The following FAM169A variants were observed in gnomAD, a reference collection of about 807,000 sequenced individuals.
The protein encoded by FAM169A is soluble lamin-associated protein of 75 kDa.
In FAM169A, 24 loss-of-function variants were observed where a neutral mutation model predicts 75.7. That is an observed-to-expected ratio of 0.32 (90% confidence interval 0.23 to 0.45). FAM169A has a LOEUF of 0.45. FAM169A is among the 20% of genes least tolerant of loss of function. The probability of loss-of-function intolerance (pLI) is 1.00; values close to 1 mark genes in which losing one functional copy is unlikely to be tolerated. For synonymous variants in FAM169A, 271 were observed against 271.0 expected (o/e 1.00, Z 0.00); for missense variants, 673 against 784.0 (o/e 0.86, Z 1.69).
rs1289172332 is a variant in FAM169A at position 74,778,967 on chromosome 5, T to C, written c.*2493A>G. 1.3e-5 allele frequency: 2 copies of C among 152,134 alleles called. No individual in the cohort carries two copies. Among genetic ancestry groups the C allele is most frequent in the East Asian group, 1.9e-4 (1 of 5,196 alleles). 9.4% of individuals were successfully genotyped at this position (152,134 alleles called of 1,614,324 possible). On this transcript the variant is annotated 3_prime_UTR_variant, in exon 13 of 13. Coordinates refer to ENST00000687041, the MANE Select transcript of FAM169A (RefSeq NM_001376049.1). ...GTTCCTTATTGAAGATAAATTGTGG[T>C]ATAAATTCTATACTCAAGTTACTGA...
At chr5:74,799,900 T>A in intron 10 of FAM169A, 1 of 945,094 alleles carries the variant, frequency 1.1e-6, no homozygotes. Context: ...ATGGAATGCT[T>A]CTGCAACACG....
chr5:74,835,032 T>C (rs1561315157), intron 4 of FAM169A, among the ~76,000 whole-genome samples: 1 of 150,378 alleles, frequency 6.6e-6, no homozygotes, highest in Non-Finnish European at 1.5e-5. Flanking sequence ...CTTAGTGTTA[T>C]CCCCTGAACA....
Position 74,781,617 on chromosome 5 carries a change from G to T in FAM169A, c.1856C>A (p.Ser619Tyr). ...TTGTGTAAACTGATCCAGTTGCTCG[G>T]AAGATGCTTCAGACTGCTCCTCTGA... ...NQSEEQSEAS[S>Y]EQLDQFTQSA... The change falls in exon 13 of 13, where the codon TCC becomes TAC. Residue 619 changes from serine to tyrosine, a missense_variant. Ser to Tyr is a moderately radical substitution (Grantham distance 144). Around this residue, in one of 3 missense-constraint regions of FAM169A, gnomAD observed 510 missense variants for 550.9 expected, o/e 0.93. Transcript: ENST00000687041. 1.2e-6 allele frequency: 2 copies of T among 1,614,138 alleles called. No homozygotes were observed. The highest frequency in any genetic ancestry group is 1.7e-6 in the Non-Finnish European group (2 of 1,180,022).
intron 1 of FAM169A, among the ~76,000 whole-genome samples, chr5:74,851,095 AT>A (rs1749419641): frequency 1.3e-5 from 2 of 152,168 alleles, no homozygotes; most frequent in Admixed American, 6.5e-5. Context: ...TTTTTAAAAG[AT>A]TAATATGTCT....
intron 6 of FAM169A, among the ~76,000 whole-genome samples, chr5:74,812,831 C>A (rs1433313671): frequency 6.6e-6 from 1 of 152,112 alleles, no homozygotes; most frequent in Non-Finnish European, 1.5e-5. Context: ...ATGTGGAGGG[C>A]TGTAATAAAA....
At chr5:74,866,919 G>A, upstream of FAM169A, 1 of 985,490 alleles carries the variant, frequency 1.0e-6, no homozygotes, top group Non-Finnish European at 1.2e-6. Flanking sequence ...TAAACCTACT[G>A]CCACTTAGGT....
At chr5:74,812,585 A>C (rs1747257873) in intron 6 of FAM169A, among the ~76,000 whole-genome samples, 1 of 151,658 alleles carries the variant, frequency 6.6e-6, no homozygotes. Context: ...CAGCTTCTTT[A>C]TTTCTTTTTG....
chr5:74,835,625 A>T (rs969287167), intron 4 of FAM169A, among the ~76,000 whole-genome samples: 1 of 151,634 alleles, frequency 6.6e-6, no homozygotes, highest in East Asian at 1.9e-4. Flanking sequence ...AAAAAAAAAA[A>T]ATCTGTACAT....
In FAM169A at chr5:74,781,371, T is replaced by A. The variant is rs558675325; in HGVS notation, c.*89A>T. 2.3e-6 allele frequency: 3 copies of A among 1,313,662 alleles called. No individual in the cohort carries two copies. In the African/African-American group the frequency reaches 4.4e-5, roughly 19 times the overall value. The allele number at this position is 1,313,662 out of a possible 1,614,324, so 81.4% of individuals were successfully genotyped here. A position where few individuals can be genotyped will look rare whatever the true frequency, so the allele number is the denominator to read the frequency against. On this transcript the variant is annotated 3_prime_UTR_variant, in exon 13 of 13. Coordinates refer to ENST00000687041, the MANE Select transcript of FAM169A (RefSeq NM_001376049.1). ...ATTGAAATTTTGGAAATTTTTGTCC[T>A]GTGCCCCATGCTGTTTATTAATTAC...
At chr5:74,842,689 T>C (rs1174389588) in intron 1 of FAM169A, among the ~76,000 whole-genome samples, 1 of 151,912 alleles carries the variant, frequency 6.6e-6, no homozygotes, top group African/African-American at 2.4e-5. Flanking sequence ...TAAGCCACTG[T>C]GCCAGGACTA....
At chr5:74,824,718 C>G (rs1410296590) in intron 5 of FAM169A, among the ~76,000 whole-genome samples, 1 of 151,484 alleles carries the variant, frequency 6.6e-6, no homozygotes, top group Admixed American at 6.6e-5. Context: ...TACACACACA[C>G]ACACACACAC....
At chr5:74,806,744 G>T (rs1455777907) in intron 6 of FAM169A, among the ~76,000 whole-genome samples, 1 of 152,090 alleles carries the variant, frequency 6.6e-6, no homozygotes, top group Non-Finnish European at 1.5e-5. Context: ...ACACAGATTA[G>T]GAGATATTTA....
intron 10 of FAM169A, chr5:74,799,684 G>A: frequency 7.9e-7 from 1 of 1,265,338 alleles, no homozygotes; most frequent in Non-Finnish European, 1.2e-6. Context: ...CATGTCTGCT[G>A]CTGATGCCTC....
chr5:74,847,794 G>A (rs936121210), intron 1 of FAM169A, among the ~76,000 whole-genome samples: 1 of 152,018 alleles, frequency 6.6e-6, no homozygotes, highest in African/African-American at 2.4e-5. Flanking sequence ...TTTCAAGTAA[G>A]GTTTTTTAAC....
intron 11 of FAM169A, among the ~76,000 whole-genome samples, chr5:74,783,866 A>G (rs1243329684): frequency 2.0e-5 from 3 of 152,318 alleles, no homozygotes; most frequent in Admixed American, 6.5e-5. Flanking sequence ...TAAAATTATA[A>G]AACTGATGCA....
rs747326446 is a variant in FAM169A at position 74,800,927 on chromosome 5, A to C, written c.1056T>G (p.Gly352=). Residue 352 remains glycine, a synonymous_variant, in exon 10 of 13, where the codon GGT becomes GGG. Transcript: ENST00000687041. ...AAGTCTGGGAGGTCTTTTCATCTTC[A>C]CCTTGAGAACTGCTAAATTCAGAAT... is the stretch of plus-strand genomic sequence containing the variant. ...FQDSEFSSSQ[G]EDEKTSQTSL... 5 of 1,526,406 alleles carry C rather than the reference A, an allele frequency of 3.3e-6. No individual in the cohort carries two copies. In the Admixed American group the frequency reaches 7.8e-5, roughly 24 times the overall value. 94.6% of individuals were successfully genotyped at this position (1,526,406 alleles called of 1,614,324 possible). A position where few individuals can be genotyped will look rare whatever the true frequency, so the allele number is the denominator to read the frequency against.
intron 6 of FAM169A, among the ~76,000 whole-genome samples, chr5:74,808,783 G>GTAA (rs751201394): frequency 5.9e-5 from 9 of 152,056 alleles, no homozygotes; most frequent in Non-Finnish European, 1.2e-4. Flanking sequence ...AAAGCAGAGT[G>GTAA]GTATTAGGGA....
rs1189018362 is a variant in FAM169A, at chr5:74,796,150, T to C, written c.1140A>G (p.Glu380=). 6.2e-7 allele frequency: 1 copy of C among 1,614,138 alleles called. No homozygotes were observed. The highest frequency in any genetic ancestry group is 1.1e-5 in the South Asian group (1 of 91,054). ...GTTCAGGTTCTTCTTCCAGGAATTC[T>C]TCTGAGCTCTCTGATGGGCGTGCAG... ...ESTARPSESS[E]EFLEEEPEQR... The change falls in exon 11 of 13, where the codon GAA becomes GAG. Residue 380 remains glutamate, a synonymous_variant. Coordinates refer to ENST00000687041, the MANE Select transcript of FAM169A (RefSeq NM_001376049.1).
At chr5:74,815,026 C>A (rs112916701) in intron 5 of FAM169A, among the ~76,000 whole-genome samples, 3,639 of 152,140 alleles carry the variant, frequency 0.024, 143 homozygotes, top group African/African-American at 0.084. Flanking sequence ...ATGAGCTGAT[C>A]AATATAACAA....
Sources: allele counts gnomAD v4.1 joint callset (sites outside exome capture counted in the v4.1 genomes callset), GRCh38; gene constraint gnomAD v4.1.1; regional missense constraint gnomAD v4.1.1; transcripts MANE v1.5; gene names NCBI Gene and HGNC (gene_info 2026-07-23, HGNC 2026-07-21).